SSX2IP: variants seen among roughly 807,000 people sequenced by gnomAD.
SSX2IP encodes the protein SSX family member 2 interacting protein.
A neutral mutation model predicts 84.9 loss-of-function variants in SSX2IP; 55 were observed. That is an observed-to-expected ratio of 0.65 (90% CI 0.52 to 0.81). The LOEUF (loss-of-function observed/expected upper bound fraction) is 0.81, where lower values mean the gene tolerates loss of function less well. Among genes scored for constraint, SSX2IP ranks in the 30% least tolerant of loss-of-function variants. SSX2IP has a pLI of 0.00. For synonymous variants in SSX2IP, 239 were observed against 234.7 expected, an observed-to-expected ratio of 1.02 and a Z score of -0.17; for missense variants, 664 against 705.2, an observed-to-expected ratio of 0.94 and a Z score of 0.66.
intron 8 of SSX2IP, among the ~76,000 whole-genome samples, chr1:84,661,237 T>C (rs1363721799): frequency 4.6e-5 from 7 of 152,138 alleles, no homozygotes; most frequent in African/African-American, 1.7e-4. Flanking sequence ...TGCTGTTAAC[T>C]AGCATTTTCC....
chr1:84,667,659 T>G (rs562751011), intron 4 of SSX2IP, among the ~76,000 whole-genome samples: 1 of 152,252 alleles, frequency 6.6e-6, no homozygotes, highest in Admixed American at 6.5e-5. Context: ...CCACTCTTCA[T>G]ACCATCACAT....
chr1:84,650,222 G>T, intron 13 of SSX2IP, 140 bp downstream of exon 13: 1 of 804,690 alleles, frequency 1.2e-6, no homozygotes, highest in Non-Finnish European at 2.1e-6. Context: ...CTCAATATTT[G>T]TAGAATGAAT....
At chr1:84,657,449 T>A (rs1317438884) in intron 9 of SSX2IP, among the ~76,000 whole-genome samples, 1 of 152,218 alleles carries the variant, frequency 6.6e-6, no homozygotes, top group East Asian at 1.9e-4. Flanking sequence ...ATCTATTATT[T>A]TAAAAATAAT....
At chr1:84,656,598 A>T (rs1413204550) in intron 9 of SSX2IP, 114 bp from the exon 10 acceptor site, 1 of 991,708 alleles carries the variant, frequency 1.0e-6, no homozygotes, top group African/African-American at 1.7e-5. Flanking sequence ...CTAGAATTTT[A>T]TAGGTTTTCT....
At chr1:84,658,557 A>C in intron 8 of SSX2IP, 89 bp from the exon 9 acceptor site, 1 of 1,408,762 alleles carries the variant, frequency 7.1e-7, no homozygotes, top group Non-Finnish European at 9.5e-7. Flanking sequence ...TGATTACCAG[A>C]GGAAGCCACA....
At chr1:84,678,146 A>G (rs894536787) in intron 1 of SSX2IP, among the ~76,000 whole-genome samples, 8 of 152,248 alleles carry the variant, frequency 5.3e-5, no homozygotes, top group Non-Finnish European at 2.9e-5. Context: ...GGTTTTTAAC[A>G]ATGATATCAT....
At chr1:84,666,620 A>G (rs898344468) in intron 4 of SSX2IP, among the ~76,000 whole-genome samples, 7 of 152,108 alleles carry the variant, frequency 4.6e-5, no homozygotes, top group Non-Finnish European at 5.9e-5. Flanking sequence ...TCGAGAGTAT[A>G]CTTGGCTTTG....
At chr1:84,670,888 A>G in intron 2 of SSX2IP, 73 bp from the exon 3 acceptor site, 5 of 1,195,986 alleles carry the variant, frequency 4.2e-6, no homozygotes, top group Non-Finnish European at 5.9e-6. Flanking sequence ...CGCCATTACT[A>G]AAGACTTTGA....
chr1:84,648,778 C>T (rs184102561), intron 13 of SSX2IP, among the ~76,000 whole-genome samples: 1 of 152,164 alleles, frequency 6.6e-6, no homozygotes, highest in Admixed American at 6.5e-5. Flanking sequence ...TATAAGCTTA[C>T]ACATTATCTT....
intron 6 of SSX2IP, among the ~76,000 whole-genome samples, chr1:84,663,435 A>G (rs1652322152): frequency 6.6e-6 from 1 of 152,194 alleles, no homozygotes; most frequent in African/African-American, 2.4e-5. Context: ...CTTAAAAACC[A>G]ATGATTCTCC....
In SSX2IP at chr1:84,666,077, A is replaced by C. The variant is rs1557497801; in HGVS notation, c.537+45T>G. The C allele has an allele frequency of 8.1e-6, 12 of 1,476,104 alleles. No individual in the cohort carries two copies. The East Asian group carries it at 2.5e-4, about 31-fold the overall frequency. 91.4% of individuals were successfully genotyped at this position (1,476,104 alleles called of 1,614,324 possible). ...TATGGTCATCTCATATTACAAAGAA[A>C]ACAAAAATTCACTTAAACTTCATCT... On this transcript the variant is annotated intron_variant, in intron 5 of 13. Transcript: ENST00000342203.
In SSX2IP at chr1:84,644,924, TTAGTCA is replaced by T. The variant is rs1649300582; in HGVS notation, c.*2503_*2508del. ...ATAAGAAAATACTATTTGTTAAATT[TTAGTCA>T]TAATTTCATTGTTTCTCATCATAGA... On this transcript the variant is annotated 3_prime_UTR_variant, in exon 14 of 14. Coordinates refer to ENST00000342203, the MANE Select transcript of SSX2IP (RefSeq NM_001166293.2). 2 of 152,260 alleles carry T rather than the reference TTAGTCA, an allele frequency of 1.3e-5. No individual in the cohort carries two copies. The highest frequency in any genetic ancestry group is 2.1e-4 in the South Asian group (1 of 4,836). 9.4% of individuals were successfully genotyped at this position (152,260 alleles called of 1,614,324 possible). A position where few individuals can be genotyped will look rare whatever the true frequency, so the allele number is the denominator to read the frequency against.
rs753235369 is a variant in SSX2IP at position 84,647,512 on chromosome 1, G to A, written c.1766C>T (p.Pro589Leu). 1.1e-5 allele frequency: 18 copies of A among 1,613,144 alleles called. No individual in the cohort carries two copies. In the Admixed American group the frequency reaches 3.0e-4, roughly 27 times the overall value. ...TNQKWSVASR[P>L]GSQEGCYSGC... ...ACTATAGCAACCTTCCTGTGATCCA[G>A]GTCTTGATGCCACACTCCATTTTTG... The change falls in exon 14 of 14, where the codon CCT becomes CTT. Residue 589 changes from proline (P) to leucine (L), a missense_variant. Transcript: ENST00000342203.
At position 84,670,073 on chromosome 1, in the gene SSX2IP, C is replaced by A. The variant is rs6695175; in HGVS notation, c.214-180G>T. ...TTGCTGAGCAAGTAAATTCTCACCA[C>A]AAAAAATGATATAAGTATGGGAGGT... is the stretch of plus-strand genomic sequence containing the variant. On this transcript the variant is annotated intron_variant, in intron 3 of 13. Transcript: ENST00000342203. The A allele has an allele frequency of 3.7e-3, 1,957 of 530,410 alleles. 28 individuals carry two copies. Among genetic ancestry groups the A allele is most frequent in the African/African-American group, 0.034 (1,762 of 52,448 alleles). The allele number at this position is 530,410 out of a possible 1,614,324, so 32.9% of individuals were successfully genotyped here.
At chr1:84,680,822 A>T (rs1403392865) in intron 1 of SSX2IP, among the ~76,000 whole-genome samples, 2 of 152,234 alleles carry the variant, frequency 1.3e-5, no homozygotes, top group African/African-American at 4.8e-5. Flanking sequence ...GCACAAAAAT[A>T]TAACTTTTAT....
intron 1 of SSX2IP, among the ~76,000 whole-genome samples, chr1:84,689,081 C>T (rs1271117849): frequency 6.6e-6 from 1 of 152,150 alleles, no homozygotes; most frequent in African/African-American, 2.4e-5. Flanking sequence ...GCTTCCTAAG[C>T]CTGTAGGTTG....
At chr1:84,682,623 A>G (rs1265802917) in intron 1 of SSX2IP, among the ~76,000 whole-genome samples, 1 of 149,556 alleles carries the variant, frequency 6.7e-6, no homozygotes, top group East Asian at 2.0e-4. Context: ...TCCTGCCTTG[A>G]CCTCCCGAGT....
chr1:84,678,711 A>G (rs1654695066), intron 1 of SSX2IP, among the ~76,000 whole-genome samples: 1 of 152,220 alleles, frequency 6.6e-6, no homozygotes. Context: ...ATTACTCTCA[A>G]TTCCCATTTG....
At chr1:84,663,694 G>T (rs1380980203) in intron 6 of SSX2IP, among the ~76,000 whole-genome samples, 2 of 152,032 alleles carry the variant, frequency 1.3e-5, no homozygotes, top group Non-Finnish European at 2.9e-5. Flanking sequence ...ACAGTTTAGG[G>T]GTGTCACGGT....
Sources: gnomAD v4.1 joint callset for allele counts (sites outside exome capture counted in the v4.1 genomes callset) on GRCh38, gnomAD v4.1.1 for gene constraint, MANE v1.5 for transcripts, NCBI Gene and HGNC (gene_info 2026-07-23, HGNC 2026-07-21) for gene names.